Variants in NDC1 observed in about 807,000 individuals in gnomAD.
NDC1 encodes the protein nucleoporin NDC1.
A neutral mutation model predicts 89.8 loss-of-function variants in NDC1; 24 were observed. That is an observed-to-expected ratio of 0.27 (90% confidence interval 0.19 to 0.38). The LOEUF (loss-of-function observed/expected upper bound fraction) is 0.38, where lower values mean the gene tolerates loss of function less well. NDC1 is among the 10% of genes least tolerant of loss of function. NDC1 has a pLI of 1.00. For synonymous variants in NDC1, 296 were observed against 284.8 expected (o/e 1.04, Z -0.39); for missense variants, 728 against 797.6 (o/e 0.91, Z 1.05).
chr1:53,798,261 C>T (rs1466264705), intron 11 of NDC1, among the ~76,000 whole-genome samples: 1 of 149,902 alleles, frequency 6.7e-6, no homozygotes, highest in African/African-American at 2.4e-5. Context: ...CTCCGACTCC[C>T]TGGTTCAAGT....
chr1:53,823,213 G>C (rs1380950104), intron 5 of NDC1, among the ~76,000 whole-genome samples: 1 of 152,026 alleles, frequency 6.6e-6, no homozygotes, highest in African/African-American at 2.4e-5. Flanking sequence ...CAAAACACCT[G>C]CTCCAACCAT....
chr1:53,774,246 A>G (rs1038140914), intron 16 of NDC1, among the ~76,000 whole-genome samples: 8 of 152,222 alleles, frequency 5.3e-5, no homozygotes, highest in Admixed American at 2.6e-4. Context: ...CACTGAATTT[A>G]GTGTTATTTA....
chr1:53,800,690 T>C lies in NDC1; in HGVS notation c.1222+3A>G. 6.2e-7 allele frequency: 1 copy of C among 1,613,824 alleles called. No individual in the cohort carries two copies. Among genetic ancestry groups the C allele is most frequent in the Non-Finnish European group, 8.5e-7 (1 of 1,179,694 alleles). On this transcript the variant is annotated splice_donor_region_variant and intron_variant, in intron 11 of 17. Transcript: ENST00000371429. Reference sequence around the variant, plus strand: ...TTCCCCTCTTAGTAGTCCTAGGGATTACCTGGAGAATTTAATTTCTTAGGT... The same window carrying C: ...TTCCCCTCTTAGTAGTCCTAGGGATCACCTGGAGAATTTAATTTCTTAGGT...
intron 3 of NDC1, 111 bp downstream of exon 3, chr1:53,832,379 T>C (rs185148559): frequency 1.5e-5 from 9 of 617,256 alleles, no homozygotes; most frequent in Admixed American, 5.9e-5. Flanking sequence ...TGATTCTGTA[T>C]ACGTTTTTAA....
intron 11 of NDC1, among the ~76,000 whole-genome samples, chr1:53,798,366 C>T (rs1647796372): frequency 1.3e-5 from 2 of 151,180 alleles, no homozygotes; most frequent in Admixed American, 1.3e-4. Flanking sequence ...GACAGGGTTT[C>T]ACCATGTTGG....
intron 6 of NDC1, among the ~76,000 whole-genome samples, chr1:53,815,367 A>C (rs533870201): frequency 6.6e-6 from 1 of 152,362 alleles, no homozygotes; most frequent in South Asian, 2.1e-4. Flanking sequence ...GATCATCTCA[A>C]CAGATGCAGA....
intron 6 of NDC1, among the ~76,000 whole-genome samples, chr1:53,818,395 C>T (rs528360642): frequency 4.6e-5 from 7 of 151,316 alleles, no homozygotes; most frequent in South Asian, 4.2e-4. Context: ...GAGCCAAGAT[C>T]GCGCCATTAC....
intron 16 of NDC1, 77 bp downstream of exon 16, chr1:53,787,081 A>C: frequency 1.4e-6 from 1 of 696,008 alleles, no homozygotes; most frequent in Non-Finnish European, 2.5e-6. Flanking sequence ...GATAAATGTG[A>C]TATATAGGAA....
At position 53,819,085 on chromosome 1, in the gene NDC1, G is replaced by C; in HGVS notation, c.595-6C>G. 7.1e-7 allele frequency: 1 copy of C among 1,405,834 alleles called. No individual in the cohort carries two copies. The allele number at this position is 1,405,834 out of a possible 1,614,324, so 87.1% of individuals were successfully genotyped here. ...AAACGCAAGAACTTGTATTGCTGTG[G>C]GGAAAAAAAAAAGAATCAAATGACA... On this transcript the variant is annotated splice_region_variant and splice_polypyrimidine_tract_variant and intron_variant, in intron 5 of 17. Transcript: ENST00000371429.
chr1:53,787,664 GATAAATAAATAAATAA>G (rs56823781), intron 15 of NDC1, among the ~76,000 whole-genome samples: 27 of 146,746 alleles, frequency 1.8e-4, no homozygotes, highest in Non-Finnish European at 3.1e-4. Context: ...TAAATAAATA[GATAAATAAATAAATAA>G]ATAAATAAAT....
At chr1:53,798,728 T>C (rs1647811570) in intron 11 of NDC1, among the ~76,000 whole-genome samples, 1 of 152,068 alleles carries the variant, frequency 6.6e-6, no homozygotes, top group Admixed American at 6.5e-5. Context: ...CTAATTTTTA[T>C]ATTTTTAGTA....
chr1:53,810,097 A>T (rs1398361266), intron 6 of NDC1, among the ~76,000 whole-genome samples: 1 of 152,248 alleles, frequency 6.6e-6, no homozygotes, highest in African/African-American at 2.4e-5. Context: ...ACCGATGTGC[A>T]TTATAATCTG....
Position 53,767,813 on chromosome 1 carries a change from C to T in NDC1, c.*157G>A. On this transcript the variant is annotated 3_prime_UTR_variant, in exon 18 of 18. Transcript: ENST00000371429. ...AGTTATTCTGTTGAGAATTTCTTTCCATGATTTCTCCCATTAAAGTATAGT... is the reference window on the plus strand; with the variant it reads ...AGTTATTCTGTTGAGAATTTCTTTCTATGATTTCTCCCATTAAAGTATAGT... 9.0e-6 allele frequency: 4 copies of T among 443,396 alleles called. No individual in the cohort carries two copies. Among genetic ancestry groups the T allele is most frequent in the African/African-American group, 2.0e-5 (1 of 49,318 alleles). The allele number at this position is 443,396 out of a possible 1,614,324, so 27.5% of individuals were successfully genotyped here.
intron 16 of NDC1, among the ~76,000 whole-genome samples, chr1:53,779,119 CA>C (rs11412563): frequency 1.3e-3 from 73 of 55,518 alleles, no homozygotes; most frequent in African/African-American, 2.1e-3. Context: ...GACTCTGTCG[CA>C]AAAAAAAAAA....
intron 15 of NDC1, among the ~76,000 whole-genome samples, chr1:53,788,377 C>G (rs1647374159): frequency 6.6e-6 from 1 of 151,790 alleles, no homozygotes; most frequent in African/African-American, 2.4e-5. Flanking sequence ...AGGAAGATCA[C>G]TTGAGCCCAG....
At chr1:53,833,749 A>T (rs1214857834) in intron 2 of NDC1, among the ~76,000 whole-genome samples, 2 of 152,138 alleles carry the variant, frequency 1.3e-5, no homozygotes, top group African/African-American at 4.8e-5. Context: ...TAAAAATATG[A>T]ATGAAATAAA....
intron 2 of NDC1, among the ~76,000 whole-genome samples, chr1:53,834,079 G>A (rs780975886): frequency 3.3e-5 from 5 of 152,060 alleles, no homozygotes; most frequent in African/African-American, 7.2e-5. Context: ...CACCACACTC[G>A]GCCCATTGAC....
Position 53,835,556 on chromosome 1 carries a change from G to C in NDC1, c.122C>G (p.Thr41Arg), listed in dbSNP as rs1283001749. The C allele has an allele frequency of 6.2e-7, 1 of 1,612,494 alleles. No individual in the cohort carries two copies. Among genetic ancestry groups the C allele is most frequent in the African/African-American group, 1.3e-5 (1 of 74,874 alleles). ...AATCCTGCTGAAAATTATAAATACTGTGGTGCAGATGGGTAGAAATAGCAC... is the reference window on the plus strand; with the variant it reads ...AATCCTGCTGAAAATTATAAATACTCTGGTGCAGATGGGTAGAAATAGCAC... ...WSVLFLPICT[T>R]VFIIFSRIDL... Residue 41 changes from threonine (T) to arginine (R), a missense_variant, in exon 2 of 18, where the codon ACA becomes AGA. Thr to Arg is a moderately conservative substitution (Grantham distance 71). Transcript: ENST00000371429.
At chr1:53,837,118 G>C (rs1182164508) in intron 1 of NDC1, among the ~76,000 whole-genome samples, 2 of 152,128 alleles carry the variant, frequency 1.3e-5, no homozygotes, top group African/African-American at 2.4e-5. Flanking sequence ...GCCACAAAAA[G>C]GAATGAAGTA....
Sources: allele counts gnomAD v4.1 joint callset (sites outside exome capture counted in the v4.1 genomes callset), GRCh38; gene constraint gnomAD v4.1.1; transcripts MANE v1.5; gene names NCBI Gene and HGNC (gene_info 2026-07-23, HGNC 2026-07-21).